CTC1: variants seen among roughly 807,000 people sequenced by gnomAD.
CTC1 encodes the protein CST telomere replication complex component 1, also known as CST complex subunit CTC1.
Under a neutral mutation model 136.3 loss-of-function variants are expected in CTC1, and 91 were observed. The ratio of observed to expected loss-of-function variants is 0.67; its 90% confidence interval spans 0.56 to 0.79. The LOEUF (loss-of-function observed/expected upper bound fraction) is 0.79, where lower values mean the gene tolerates loss of function less well. Among genes scored for constraint, CTC1 ranks in the 30% least tolerant of loss-of-function variants. CTC1 has a pLI of 0.00. For synonymous variants in CTC1, 606 were observed against 613.8 expected (o/e 0.99, Z 0.19); for missense variants, 1,432 against 1,498.1 (o/e 0.96, Z 0.73).
At chr17:8,228,428 C>T in intron 22 of CTC1, 75 bp downstream of exon 22, 1 of 1,611,154 alleles carries the variant, frequency 6.2e-7, no homozygotes, top group Non-Finnish European at 8.5e-7. Context: ...CCTCATCCCT[C>T]TTCCTCCCAG....
chr17:8,230,042 C>T, intron 17 of CTC1, 74 bp from the exon 18 acceptor site: 1 of 1,410,054 alleles, frequency 7.1e-7, no homozygotes, highest in South Asian at 1.2e-5. Context: ...ACTCAGAGAT[C>T]AAGCACCACA....
intron 7 of CTC1, chr17:8,235,493 G>C: frequency 1.7e-6 from 1 of 600,124 alleles, no homozygotes; most frequent in East Asian, 2.8e-5. Flanking sequence ...TCTTGCTGTG[G>C]GCTGGGTGGC....
intron 18 of CTC1, 24 bp downstream of exon 18, chr17:8,229,867 A>C (rs1357472655): frequency 6.2e-7 from 1 of 1,601,998 alleles, no homozygotes; most frequent in East Asian, 2.2e-5. Context: ...CAGGAAGTTT[A>C]GGGGTTGGGG....
In CTC1 at chr17:8,231,316, A is replaced by C. The variant is rs1352546043; in HGVS notation, c.2629T>G (p.Ser877Ala). Residue 877 changes from serine to alanine, a missense_variant, in exon 15 of 23, where the codon TCA becomes GCA. Transcript: ENST00000651323. ...TCGGTCAGTGAGGATTCAGGCAATG[A>C]CTTGTTTGCATCCAGCACATCTTGG... is the stretch of plus-strand genomic sequence containing the variant. ...DIQDVLDANK[S>A]LPESSLTDLL... The C allele has an allele frequency of 4.4e-6, 7 of 1,600,476 alleles. No homozygotes were observed. The highest frequency in any genetic ancestry group is 4.3e-6 in the Non-Finnish European group (5 of 1,169,836).
At chr17:8,230,726 G>T in intron 15 of CTC1, 75 bp from the exon 16 acceptor site, 1 of 1,282,232 alleles carries the variant, frequency 7.8e-7, no homozygotes, top group Non-Finnish European at 1.1e-6. Flanking sequence ...ATTCAAGGCA[G>T]AAAATGGAGC....
At chr17:8,233,114 A>T in intron 10 of CTC1, 82 bp from the exon 11 acceptor site, 7 of 1,453,756 alleles carry the variant, frequency 4.8e-6, no homozygotes, top group East Asian at 4.7e-5. Flanking sequence ...GCTGTATTAC[A>T]TGGTAAAGCT....
chr17:8,248,046 G>C lies in CTC1; in HGVS notation c.-10C>G, dbSNP rs201782976. The stretch of plus-strand genomic sequence containing the variant: ...CCCGGCCAGCCGCCATGATGCGCCG[G>C]AGCTCCGCCCCCGGGAGGGGCAGGT... On this transcript the variant is annotated 5_prime_UTR_variant, in exon 1 of 23. Transcript: ENST00000651323. 6.4e-7 allele frequency: 1 copy of C among 1,553,620 alleles called. No homozygotes were observed. The highest frequency in any genetic ancestry group is 8.7e-7 in the Non-Finnish European group (1 of 1,143,266).
rs1987585756 is a variant in CTC1, at chr17:8,235,046, T to C, written c.1439+7A>G. The C allele has an allele frequency of 1.9e-6, 3 of 1,613,496 alleles. No homozygotes were observed. The East Asian group carries it at 6.7e-5, about 36-fold the overall frequency. On this transcript the variant is annotated splice_region_variant and intron_variant, in intron 8 of 22. Coordinates refer to ENST00000651323, the MANE Select transcript of CTC1 (RefSeq NM_025099.6). Reference sequence around the variant, plus strand: ...GCCTCCCCGCCCTGGGCCCTCAGCCTCCTCACTTGCAGGCCAGCTCCTCCA... The same window carrying C: ...GCCTCCCCGCCCTGGGCCCTCAGCCCCCTCACTTGCAGGCCAGCTCCTCCA...
chr17:8,239,976 C>T (rs745393379), intron 2 of CTC1, among the ~76,000 whole-genome samples: 18 of 152,108 alleles, frequency 1.2e-4, no homozygotes, highest in Admixed American at 1.0e-3. Context: ...TCAGGCACAA[C>T]GCTGAATTTT....
In CTC1 at chr17:8,229,891, C is replaced by G; in HGVS notation, c.3011G>C (p.Ser1004Thr). 1.2e-6 allele frequency: 2 copies of G among 1,613,854 alleles called. No individual in the cohort carries two copies. Among genetic ancestry groups the G allele is most frequent in the Non-Finnish European group, 1.7e-6 (2 of 1,179,796 alleles). ...TAGGGGTTGGGGTCTGGGCACTGAC[C>G]TGATGGTGGTCTCAGGGGGAAAACT... ...VLSFPPETTI[S>T]IPLPHIYLAE... is the part of the protein sequence containing the mutation. Residue 1004 changes from serine (S) to threonine (T), a missense_variant and splice_region_variant, in exon 18 of 23, where the codon AGC becomes ACC. By Grantham distance (58) the Ser-to-Thr change is moderately conservative. Transcript: ENST00000651323.
chr17:8,247,574 T>G (rs184688561), intron 1 of CTC1: 268 of 164,102 alleles, frequency 1.6e-3, no homozygotes, highest in African/African-American at 6.2e-3. Flanking sequence ...CCTCCCACAG[T>G]GCTGGATTAC....
Position 8,235,163 on chromosome 17 carries a change from T to C in CTC1, c.1329A>G (p.Ser443=), listed in dbSNP as rs771134007. 1 of 1,614,118 alleles carries C rather than the reference T, an allele frequency of 6.2e-7. No homozygotes were observed. The highest frequency in any genetic ancestry group is 1.1e-5 in the South Asian group (1 of 91,082). ...GGGAGGCCCCGTAGGCTTGACGGGA[T>C]GAGTGAGCCCCAGGCTTCTGACGAG... ...SFSRQKPGAH[S]SRQAYGASLY... The change falls in exon 8 of 23, where the codon TCA becomes TCG. Residue 443 remains serine (S), a synonymous_variant. Coordinates refer to ENST00000651323, the MANE Select transcript of CTC1 (RefSeq NM_025099.6).
chr17:8,235,970 G>A lies in CTC1; in HGVS notation c.1078-11C>T. ...GCCAGTGACTGCTCCCTGCAAACAG[G>A]CCGAGGTCCAGTTGACCACTATTTT... is the stretch of plus-strand genomic sequence containing the variant. On this transcript the variant is annotated splice_polypyrimidine_tract_variant and intron_variant, in intron 6 of 22. Transcript: ENST00000651323. 15 of 1,602,064 alleles carry A rather than the reference G, an allele frequency of 9.4e-6. No homozygotes were observed. Among genetic ancestry groups the A allele is most frequent in the Non-Finnish European group, 1.3e-5 (15 of 1,170,550 alleles).
intron 1 of CTC1, among the ~76,000 whole-genome samples, chr17:8,246,000 G>A (rs1323177512): frequency 6.7e-6 from 1 of 149,146 alleles, no homozygotes; most frequent in Non-Finnish European, 1.5e-5. Flanking sequence ...GCCTGGGAAG[G>A]TTGAGACCCG....
In CTC1 at chr17:8,225,787, A is replaced by C. The variant is rs1986582752; in HGVS notation, c.*2393T>G. The C allele has an allele frequency of 6.6e-6, 1 of 151,882 alleles. No individual in the cohort carries two copies. Among genetic ancestry groups the C allele is most frequent in the Non-Finnish European group, 1.5e-5 (1 of 67,986 alleles). The allele number at this position is 151,882 out of a possible 1,614,324, so 9.4% of individuals were successfully genotyped here. On this transcript the variant is annotated 3_prime_UTR_variant, in exon 23 of 23. Coordinates refer to ENST00000651323, the MANE Select transcript of CTC1 (RefSeq NM_025099.6). ...GGACCGCATCTGGAAGCTGTGCCAA[A>C]TTTTAAATACTGTATATTTAAATAT...
At chr17:8,229,511 A>C in intron 18 of CTC1, 65 bp from the exon 19 acceptor site, 1 of 1,484,248 alleles carries the variant, frequency 6.7e-7, no homozygotes, top group East Asian at 2.3e-5. Context: ...GGGTTCTGAA[A>C]GCAGGGTGGG....
At chr17:8,247,661 C>G (rs1238228083) in intron 1 of CTC1, 1 of 240,330 alleles carries the variant, frequency 4.2e-6, no homozygotes, top group Non-Finnish European at 8.3e-6. Context: ...GACGCTTTTA[C>G]TTATTATGGT....
chr17:8,230,179 A>T, intron 17 of CTC1, 115 bp downstream of exon 17: 1 of 1,139,358 alleles, frequency 8.8e-7, no homozygotes, highest in Non-Finnish European at 1.3e-6. Context: ...GCAGACTGAT[A>T]TATGGAAACC....
chr17:8,237,225 C>T (rs772868045), intron 5 of CTC1, 150 bp downstream of exon 5: 62 of 800,666 alleles, frequency 7.7e-5, no homozygotes, highest in East Asian at 2.4e-4. Flanking sequence ...AAACATTTCC[C>T]GGAATCTTCT....
Sources: gnomAD v4.1 joint callset for allele counts (sites outside exome capture counted in the v4.1 genomes callset) on GRCh38, gnomAD v4.1.1 for gene constraint, MANE v1.5 for transcripts, NCBI Gene and HGNC (gene_info 2026-07-23, HGNC 2026-07-21) for gene names.